DNAJC10: variants seen among roughly 807,000 people sequenced by gnomAD.
DNAJC10 encodes the protein DnaJ heat shock protein family (Hsp40) member C10, also known as endoplasmic reticulum disulfide reductase DNAJC10.
DNAJC10 carries 101 observed loss-of-function variants against 115.0 expected under a neutral mutation model. The observed-to-expected ratio is 0.88, with a 90% CI of 0.75 to 1.04. DNAJC10 has a LOEUF of 1.04. Among genes scored for constraint, DNAJC10 ranks in the 50% least tolerant of loss-of-function variants. The pLI, the probability that DNAJC10 is intolerant of heterozygous loss-of-function variation, is 0.00. For missense variants in DNAJC10, 981 were observed against 928.8 expected (o/e 1.06, Z -0.73); for synonymous variants, 307 against 301.5 (o/e 1.02, Z -0.19).
At chr2:182,736,123 A>G in intron 10 of DNAJC10, 126 bp from the exon 11 acceptor site, 1 of 698,584 alleles carries the variant, frequency 1.4e-6, no homozygotes, top group East Asian at 3.3e-5. Context: ...ACTTTGCTGT[A>G]GAACTAAGGC....
intron 14 of DNAJC10, among the ~76,000 whole-genome samples, chr2:182,750,522 T>C (rs1460222596): frequency 6.6e-6 from 1 of 152,152 alleles, no homozygotes; most frequent in Non-Finnish European, 1.5e-5. Flanking sequence ...TTTGAATATA[T>C]TGCCATGTGT....
At position 182,774,205 on chromosome 2, in the gene DNAJC10, T is replaced by C. The variant is rs954386278; in HGVS notation, c.2266-1111T>C. Among the ~76,000 whole-genome samples the C allele has an allele frequency of 1.2e-4, 19 of 152,308 alleles. No individual in the cohort carries two copies. In the East Asian group the frequency reaches 3.1e-3, roughly 25 times the overall value. On this transcript the variant is annotated intron_variant, in intron 22 of 23. Transcript: ENST00000264065. ...CAGAACAGCAAATATTGCTGCCTGA[T>C]GCTTCCTCTGGAAGCTTTGTCCCAG...
chr2:182,728,544 T>G (rs754164274), intron 5 of DNAJC10, 32 bp from the exon 6 acceptor site: 1 of 1,499,250 alleles, frequency 6.7e-7, no homozygotes, highest in South Asian at 1.2e-5. Flanking sequence ...TAATAAATAA[T>G]TCTAAGTTGT....
At chr2:182,738,290 G>A (rs1693636594) in intron 11 of DNAJC10, among the ~76,000 whole-genome samples, 1 of 151,930 alleles carries the variant, frequency 6.6e-6, no homozygotes, top group African/African-American at 2.4e-5. Context: ...AACTCAATTG[G>A]TATTGCCAGA....
At chr2:182,739,626 A>G in intron 11 of DNAJC10, 6 of 1,141,188 alleles carry the variant, frequency 5.3e-6, no homozygotes, top group Non-Finnish European at 6.6e-6. Context: ...TGACAAATAA[A>G]GAAGATTTGT....
At position 182,778,388 on chromosome 2, in the gene DNAJC10, CAAAG is replaced by C. The variant is rs935020623; in HGVS notation, c.*1259_*1262del. 1 of 151,986 alleles carries C rather than the reference CAAAG, an allele frequency of 6.6e-6. No homozygotes were observed. The highest frequency in any genetic ancestry group is 1.5e-5 in the Non-Finnish European group (1 of 67,988). The allele number at this position is 151,986 out of a possible 1,614,324, so 9.4% of individuals were successfully genotyped here. A position where few individuals can be genotyped will look rare whatever the true frequency, so the allele number is the denominator to read the frequency against. On this transcript the variant is annotated 3_prime_UTR_variant, in exon 24 of 24. Transcript: ENST00000264065. ...TTCTAGTTTCTGTGTTGTTTAGACTCAAAGAATCACAAATTTGTCAGTAACATGT... is the reference window on the plus strand; with the variant it reads ...TTCTAGTTTCTGTGTTGTTTAGACTCAATCACAAATTTGTCAGTAACATGT...
intron 21 of DNAJC10, among the ~76,000 whole-genome samples, chr2:182,762,027 C>A (rs1190296087): frequency 6.6e-6 from 1 of 151,848 alleles, no homozygotes; most frequent in South Asian, 2.1e-4. Context: ...CAAAAAGTGC[C>A]CAGTTTGGTC....
chr2:182,723,356 T>G (rs1210499729), intron 5 of DNAJC10, among the ~76,000 whole-genome samples: 1 of 152,200 alleles, frequency 6.6e-6, no homozygotes, highest in Non-Finnish European at 1.5e-5. Flanking sequence ...AAGGGTGGCA[T>G]TTTAATCTTA....
intron 2 of DNAJC10, 120 bp from the exon 3 acceptor site, chr2:182,717,821 C>T (rs1693034239): frequency 7.6e-6 from 2 of 263,092 alleles, no homozygotes; most frequent in South Asian, 9.2e-5. Flanking sequence ...GAACCTGGGG[C>T]ATTCACACTG....
Position 182,777,471 on chromosome 2 carries a change from TG to T in DNAJC10, c.*341del, listed in dbSNP as rs558398673. 1.9e-3 allele frequency: 321 copies of T among 165,706 alleles called. 2 individuals are homozygous for T. The highest frequency in any genetic ancestry group is 7.4e-3 in the African/African-American group (312 of 42,248). The allele number at this position is 165,706 out of a possible 1,614,324, so 10.3% of individuals were successfully genotyped here. A position where few individuals can be genotyped will look rare whatever the true frequency, so the allele number is the denominator to read the frequency against. On this transcript the variant is annotated 3_prime_UTR_variant, in exon 24 of 24. Transcript: ENST00000264065. Reference sequence around the variant, plus strand: ...AGCTCAGAGCCATACAAAAGTAGGCTGGATTCAGTCCATGGACCATAGATTG... The same window carrying T: ...AGCTCAGAGCCATACAAAAGTAGGCTGATTCAGTCCATGGACCATAGATTG...
At chr2:182,752,997 T>G (rs1694063982) in intron 16 of DNAJC10, among the ~76,000 whole-genome samples, 1 of 152,226 alleles carries the variant, frequency 6.6e-6, no homozygotes, top group African/African-American at 2.4e-5. Context: ...TGGGGAAATG[T>G]GAACACTGAC....
At position 182,717,988 on chromosome 2, in the gene DNAJC10, G is replaced by A. The variant is rs1218931560; in HGVS notation, c.-99G>A. 1.3e-6 allele frequency: 1 copy of A among 775,468 alleles called. No homozygotes were observed. Among genetic ancestry groups the A allele is most frequent in the Admixed American group, 2.9e-5 (1 of 34,298 alleles). The allele number at this position is 775,468 out of a possible 1,614,324, so 48.0% of individuals were successfully genotyped here. A position where few individuals can be genotyped will look rare whatever the true frequency, so the allele number is the denominator to read the frequency against. On this transcript the variant is annotated 5_prime_UTR_variant, in exon 3 of 24. Coordinates refer to ENST00000264065, the MANE Select transcript of DNAJC10 (RefSeq NM_018981.4). ...TTGTGATGCTTGATTCACCCTTGAAGTAATGTAGACAGAAGTTCTCAAATT... is the reference window on the plus strand; with the variant it reads ...TTGTGATGCTTGATTCACCCTTGAAATAATGTAGACAGAAGTTCTCAAATT...
chr2:182,771,813 C>G (rs1161270144), intron 22 of DNAJC10, among the ~76,000 whole-genome samples: 1 of 151,606 alleles, frequency 6.6e-6, no homozygotes, highest in Non-Finnish European at 1.5e-5. Flanking sequence ...TTTTTTATGT[C>G]TCTCTTTCAG....
chr2:182,750,623 G>A (rs1253422181), intron 14 of DNAJC10, among the ~76,000 whole-genome samples: 1 of 152,094 alleles, frequency 6.6e-6, no homozygotes, highest in Non-Finnish European at 1.5e-5. Context: ...AAACTAGATG[G>A]TATAGTCCAC....
intron 14 of DNAJC10, among the ~76,000 whole-genome samples, chr2:182,747,080 A>G (rs1001698136): frequency 2.0e-5 from 3 of 152,108 alleles, no homozygotes; most frequent in African/African-American, 7.2e-5. Context: ...GTTCTGTTCC[A>G]TTGATCTATA....
At chr2:182,763,736 T>C (rs1320178043) in intron 22 of DNAJC10, among the ~76,000 whole-genome samples, 1 of 152,148 alleles carries the variant, frequency 6.6e-6, no homozygotes, top group Non-Finnish European at 1.5e-5. Context: ...TATATTGCCA[T>C]GCTCCCCCGA....
rs531748229 is a variant in DNAJC10, at chr2:182,746,184, C to T, written c.1306+2472C>T. 1.2e-3 allele frequency among the ~76,000 whole-genome samples: 189 copies of T among 152,258 alleles called. 2 individuals carry two copies. The Middle Eastern group carries it at 0.031, about 25-fold the overall frequency. On this transcript the variant is annotated intron_variant, in intron 14 of 23. Coordinates refer to ENST00000264065, the MANE Select transcript of DNAJC10 (RefSeq NM_018981.4). ...CAAGTCTTTGCTATTGTGAATAATGCCGCAATAAACATACGTGTGCATGTG... is the reference window on the plus strand; with the variant it reads ...CAAGTCTTTGCTATTGTGAATAATGTCGCAATAAACATACGTGTGCATGTG...
intron 9 of DNAJC10, 64 bp from the exon 10 acceptor site, chr2:182,732,435 A>G (rs767877233): frequency 2.7e-6 from 4 of 1,501,728 alleles, no homozygotes; most frequent in Non-Finnish European, 2.8e-6. Context: ...GGAAAGGCAA[A>G]TGCAAGTATT....
At chr2:182,737,148 C>T (rs1372934213) in intron 11 of DNAJC10, among the ~76,000 whole-genome samples, 1 of 152,174 alleles carries the variant, frequency 6.6e-6, no homozygotes, top group Non-Finnish European at 1.5e-5. Context: ...CTGGTGTAAA[C>T]TCAGTTTTGA....
Sources: allele counts gnomAD v4.1 joint callset (sites outside exome capture counted in the v4.1 genomes callset), GRCh38; gene constraint gnomAD v4.1.1; transcripts MANE v1.5; gene names NCBI Gene and HGNC (gene_info 2026-07-23, HGNC 2026-07-21).